The following KYNU variants were observed in gnomAD, a reference collection of about 807,000 sequenced individuals.
KYNU encodes kynureninase, also known as L-kynurenine hydrolase.
Under a neutral mutation model 59.2 loss-of-function variants are expected in KYNU, and 54 were observed. The ratio of observed to expected loss-of-function variants is 0.91; its 90% confidence interval spans 0.73 to 1.14. KYNU has a LOEUF of 1.14. Among genes scored for constraint, KYNU ranks in the 50% most tolerant of loss-of-function variants. KYNU has a pLI of 0.00. For synonymous variants in KYNU, 177 were observed against 192.0 expected, an observed-to-expected ratio of 0.92 and a Z score of 0.65; for missense variants, 567 against 554.4, an observed-to-expected ratio of 1.02 and a Z score of -0.23.
At chr2:142,906,053 C>T (rs1401677406) in intron 2 of KYNU, among the ~76,000 whole-genome samples, 1 of 145,048 alleles carries the variant, frequency 6.9e-6, no homozygotes, top group Non-Finnish European at 1.5e-5. Context: ...CTCTCTCTGC[C>T]TCTTTCTCTT....
At chr2:143,019,241 C>T (rs1160971048) in intron 10 of KYNU, among the ~76,000 whole-genome samples, 17 of 152,030 alleles carry the variant, frequency 1.1e-4, no homozygotes, top group Non-Finnish European at 2.4e-4. Flanking sequence ...TTCAATTTTT[C>T]GCTGTTCAAT....
intron 3 of KYNU, among the ~76,000 whole-genome samples, chr2:142,923,980 GTC>G (rs1682969202): frequency 6.6e-6 from 1 of 152,190 alleles, no homozygotes; most frequent in African/African-American, 2.4e-5. Flanking sequence ...GACCCCTCTA[GTC>G]TCATTTAATT....
At position 142,962,557 on chromosome 2, in the gene KYNU, A is replaced by T. The variant is rs189873371; in HGVS notation, c.729+1787A>T. 1.4e-3 allele frequency among the ~76,000 whole-genome samples: 214 copies of T among 152,330 alleles called. 1 individual carries two copies. Among genetic ancestry groups the T allele is most frequent in the African/African-American group, 4.7e-3 (197 of 41,582 alleles). ...TTTAGGTTTTATAAGTAAATCTCAT[A>T]CTTAAGTACTTTGATTGCTAAAGCC... On this transcript the variant is annotated intron_variant, in intron 8 of 13. Coordinates refer to ENST00000264170, the MANE Select transcript of KYNU (RefSeq NM_003937.3).
chr2:142,937,250 G>T (rs747282626), intron 4 of KYNU, among the ~76,000 whole-genome samples: 17 of 151,914 alleles, frequency 1.1e-4, no homozygotes, highest in Non-Finnish European at 2.4e-4. Flanking sequence ...GAAGGGAGGA[G>T]TTACTCATCT....
chr2:142,991,656 C>T (rs1474418960), intron 10 of KYNU, among the ~76,000 whole-genome samples: 1 of 151,916 alleles, frequency 6.6e-6, no homozygotes, highest in African/African-American at 2.4e-5. Context: ...TTTGCTTCTG[C>T]TCCAATGGAT....
chr2:142,993,541 A>C (rs975705333), intron 10 of KYNU, among the ~76,000 whole-genome samples: 4 of 152,044 alleles, frequency 2.6e-5, no homozygotes, highest in African/African-American at 9.7e-5. Context: ...GAATCATGAC[A>C]TACAACCTAA....
At chr2:142,890,077 AT>A (rs1334900827) in intron 2 of KYNU, among the ~76,000 whole-genome samples, 1 of 152,014 alleles carries the variant, frequency 6.6e-6, no homozygotes, top group Non-Finnish European at 1.5e-5. Context: ...TTTTGTACTT[AT>A]GTTCAACATT....
intron 12 of KYNU, among the ~76,000 whole-genome samples, chr2:143,036,136 C>G (rs1388574201): frequency 6.6e-6 from 1 of 151,978 alleles, no homozygotes; most frequent in Non-Finnish European, 1.5e-5. Flanking sequence ...TCAAGCGATT[C>G]TCCTGCCTCA....
intron 12 of KYNU, among the ~76,000 whole-genome samples, chr2:143,034,586 G>GT (rs1203449187): frequency 6.6e-6 from 1 of 152,112 alleles, no homozygotes; most frequent in Non-Finnish European, 1.5e-5. Flanking sequence ...AGCTTGTGTT[G>GT]TTTTCACTTC....
chr2:143,022,656 G>A (rs1023866133), intron 10 of KYNU, among the ~76,000 whole-genome samples: 1 of 151,880 alleles, frequency 6.6e-6, no homozygotes, highest in Non-Finnish European at 1.5e-5. Context: ...GTGAGTTTTA[G>A]ATGTTTAAGT....
At chr2:142,953,232 A>G (rs1314639264) in intron 4 of KYNU, among the ~76,000 whole-genome samples, 1 of 152,234 alleles carries the variant, frequency 6.6e-6, no homozygotes, top group Non-Finnish European at 1.5e-5. Flanking sequence ...CCGTACCATT[A>G]CCCACCGCGT....
chr2:142,897,262 C>T (rs1032051460), intron 2 of KYNU, among the ~76,000 whole-genome samples: 7 of 152,066 alleles, frequency 4.6e-5, no homozygotes, highest in African/African-American at 9.7e-5. Flanking sequence ...TGGTTCCTGG[C>T]GTTTTTCAGT....
Position 142,885,364 on chromosome 2 carries a change from T to C in KYNU, c.-4T>C. 6.2e-7 allele frequency: 1 copy of C among 1,613,756 alleles called. No individual in the cohort carries two copies. The highest frequency in any genetic ancestry group is 8.5e-7 in the Non-Finnish European group (1 of 1,179,802). Reference sequence around the variant, plus strand: ...TCTCTTTCAGTTTTAGAGAACAACTTGTAATGGAGCCTTCATCTCTTGAGC... The same window carrying C: ...TCTCTTTCAGTTTTAGAGAACAACTCGTAATGGAGCCTTCATCTCTTGAGC... On this transcript the variant is annotated 5_prime_UTR_variant, in exon 2 of 14. Transcript: ENST00000264170.
intron 3 of KYNU, among the ~76,000 whole-genome samples, chr2:142,924,252 A>G (rs1271783412): frequency 6.6e-6 from 1 of 152,060 alleles, no homozygotes; most frequent in Non-Finnish European, 1.5e-5. Context: ...CTATAGGTAC[A>G]TGCCACCAAG....
At chr2:142,925,802 G>C (rs1683030576) in intron 3 of KYNU, among the ~76,000 whole-genome samples, 1 of 152,176 alleles carries the variant, frequency 6.6e-6, no homozygotes, top group South Asian at 2.1e-4. Context: ...CTTTTAGGGA[G>C]TACCAGCCCA....
chr2:143,043,947 T>A lies in KYNU; in HGVS notation c.*1775T>A, dbSNP rs966512036. The stretch of plus-strand genomic sequence containing the variant: ...GATTGCTGCACCCATCAACCCGTCA[T>A]CTACATCAGGTATTTCTCCTAATGC... On this transcript the variant is annotated 3_prime_UTR_variant, in exon 14 of 14. Transcript: ENST00000264170. 1 of 151,736 alleles carries A rather than the reference T, an allele frequency of 6.6e-6. No homozygotes were observed. The allele number at this position is 151,736 out of a possible 1,614,324, so 9.4% of individuals were successfully genotyped here.
At chr2:143,033,643 G>A (rs1230964962) in intron 12 of KYNU, among the ~76,000 whole-genome samples, 2 of 152,100 alleles carry the variant, frequency 1.3e-5, no homozygotes, top group Non-Finnish European at 2.9e-5. Context: ...CCTTCTCTTG[G>A]CCTCTCTTTA....
chr2:142,913,036 A>T (rs1490401770), intron 2 of KYNU, among the ~76,000 whole-genome samples: 1 of 152,052 alleles, frequency 6.6e-6, no homozygotes, highest in East Asian at 1.9e-4. Flanking sequence ...CTGCAGGATT[A>T]GTTGTAATGT....
chr2:142,922,577 T>TA (rs1682920172), intron 3 of KYNU, among the ~76,000 whole-genome samples: 1 of 152,184 alleles, frequency 6.6e-6, no homozygotes, highest in East Asian at 1.9e-4. Flanking sequence ...TACACAGGCA[T>TA]ATAGATGTCA....
Sources: allele counts gnomAD v4.1 joint callset (sites outside exome capture counted in the v4.1 genomes callset), GRCh38; gene constraint gnomAD v4.1.1; transcripts MANE v1.5; gene names NCBI Gene and HGNC (gene_info 2026-07-23, HGNC 2026-07-21).